The following CDK18 variants were observed in gnomAD, a reference collection of about 807,000 sequenced individuals.
CDK18 encodes cyclin-dependent kinase 18.
A neutral mutation model predicts 62.0 loss-of-function variants in CDK18; 52 were observed. The ratio of observed to expected loss-of-function variants is 0.84; its 90% confidence interval spans 0.67 to 1.06. The LOEUF (loss-of-function observed/expected upper bound fraction) is 1.06. Ranked by LOEUF, CDK18 falls within the 50% of genes least tolerant of loss-of-function variation. The probability of loss-of-function intolerance (pLI) is 0.00; values close to 1 mark genes in which losing one functional copy is unlikely to be tolerated. For synonymous variants in CDK18, 237 were observed against 247.0 expected (o/e 0.96, Z 0.38); for missense variants, 604 against 619.9 (o/e 0.97, Z 0.27).
At chr1:205,521,862 G>A (rs1427375315) in intron 1 of CDK18, among the ~76,000 whole-genome samples, 1 of 152,268 alleles carries the variant, frequency 6.6e-6, no homozygotes, top group African/African-American at 2.4e-5. Context: ...CTAGGTGCTG[G>A]CCAGTCGCAG....
At position 205,528,285 on chromosome 1, in the gene CDK18, GCCTTGT is replaced by G; in HGVS notation, c.974+118_974+123del. 8.0e-7 allele frequency: 1 copy of G among 1,242,376 alleles called. No individual in the cohort carries two copies. Among genetic ancestry groups the G allele is most frequent in the Non-Finnish European group, 1.1e-6 (1 of 889,274 alleles). The allele number at this position is 1,242,376 out of a possible 1,614,324, so 77.0% of individuals were successfully genotyped here. On this transcript the variant is annotated intron_variant, in intron 10 of 15. Transcript: ENST00000429964. The surrounding 1 kb of genome is among the most constrained non-coding windows in gnomAD (Gnocchi z 4.2). ...ACTGCCTAACTTCCTTTGCCTAAAAGCCTTGTGACATCCTGCTGAAATGGATGTTAA... is the reference window on the plus strand; with the variant it reads ...ACTGCCTAACTTCCTTTGCCTAAAAGGACATCCTGCTGAAATGGATGTTAA...
rs906684525 is a variant in CDK18, at chr1:205,526,118, G to A, written c.510G>A (p.Val170=). Residue 170 remains valine (V), a synonymous_variant, in exon 6 of 16, where the codon GTG becomes GTA. Coordinates refer to ENST00000429964, the MANE Select transcript of CDK18 (RefSeq NM_212502.3). ...GCAGCAAACTGACGGAGAACCTTGT[G>A]GCCCTGAAAGAGATCCGGCTGGAGC... ...KGRSKLTENL[V]ALKEIRLEHE... 4 of 1,613,996 alleles carry A rather than the reference G, an allele frequency of 2.5e-6. No homozygotes were observed. The highest frequency in any genetic ancestry group is 3.4e-6 in the Non-Finnish European group (4 of 1,179,994).
At chr1:205,508,917 G>A (rs1667436650) in intron 1 of CDK18, among the ~76,000 whole-genome samples, 1 of 152,100 alleles carries the variant, frequency 6.6e-6, no homozygotes, top group South Asian at 2.1e-4. Context: ...GGAAGGCCAA[G>A]GCGGGTGGAT....
At chr1:205,530,879 C>T (rs1341979100) in intron 15 of CDK18, among the ~76,000 whole-genome samples, 174 bp downstream of exon 15, 1 of 152,200 alleles carries the variant, frequency 6.6e-6, no homozygotes, top group Non-Finnish European at 1.5e-5. Flanking sequence ...CAGCTCTTCC[C>T]TCCTCAACCC....
rs1393384980 is a variant in CDK18 at position 205,531,468 on chromosome 1, T to G, written c.*90T>G. ...GGAGCCTGTGTGGCCCTCGGAGGAC[T>G]GAAGAACGAGGGCTGACAGCCAGCC... On this transcript the variant is annotated 3_prime_UTR_variant, in exon 16 of 16. Coordinates refer to ENST00000429964, the MANE Select transcript of CDK18 (RefSeq NM_212502.3). 8.0e-7 allele frequency: 1 copy of G among 1,253,442 alleles called. No homozygotes were observed. The highest frequency in any genetic ancestry group is 1.2e-6 in the Non-Finnish European group (1 of 853,920). 77.6% of individuals were successfully genotyped at this position (1,253,442 alleles called of 1,614,324 possible).
intron 13 of CDK18, 48 bp from the exon 14 acceptor site, chr1:205,530,211 T>C: frequency 1.2e-6 from 2 of 1,604,464 alleles, no homozygotes; most frequent in Non-Finnish European, 1.7e-6. Context: ...GCCCAGAGGG[T>C]TTGCAGCCCC....
At chr1:205,509,601 G>A (rs1383603788) in intron 1 of CDK18, among the ~76,000 whole-genome samples, 1 of 152,174 alleles carries the variant, frequency 6.6e-6, no homozygotes, top group Non-Finnish European at 1.5e-5. Flanking sequence ...GGACTCCAGT[G>A]AGATAATGTC....
chr1:205,506,965 G>A (rs1004607863), intron 1 of CDK18, among the ~76,000 whole-genome samples: 7 of 152,334 alleles, frequency 4.6e-5, no homozygotes, highest in South Asian at 4.1e-4. Context: ...GCCTTTCAGG[G>A]TGCATTTGCT....
At chr1:205,518,735 C>T (rs1667958961) in intron 1 of CDK18, among the ~76,000 whole-genome samples, 1 of 152,220 alleles carries the variant, frequency 6.6e-6, no homozygotes, top group South Asian at 2.1e-4. Flanking sequence ...GCCAGCCCTG[C>T]TCACTGGGGG....
Position 205,518,889 on chromosome 1 carries a change from C to T in CDK18, c.-21-4258C>T, listed in dbSNP as rs1020998888. Among the ~76,000 whole-genome samples the T allele has an allele frequency of 5.3e-5, 8 of 152,276 alleles. No homozygotes were observed. In the Middle Eastern group the frequency reaches 0.01, roughly 194 times the overall value. ...GAAGAAGCAACTGGAGCTGGCTGAGCTTTATGACTTACCTGGGCAGGGAGG... is the reference window on the plus strand; with the variant it reads ...GAAGAAGCAACTGGAGCTGGCTGAGTTTTATGACTTACCTGGGCAGGGAGG... On this transcript the variant is annotated intron_variant, in intron 1 of 15. Transcript: ENST00000429964.
intron 1 of CDK18, among the ~76,000 whole-genome samples, chr1:205,505,670 C>A (rs1414523923): frequency 6.6e-6 from 1 of 152,108 alleles, no homozygotes; most frequent in Non-Finnish European, 1.5e-5. Context: ...CTGTGGGGGG[C>A]GGGGATTCCC....
chr1:205,525,650 C>G (rs1668385781), intron 5 of CDK18, among the ~76,000 whole-genome samples: 1 of 152,174 alleles, frequency 6.6e-6, no homozygotes, highest in Admixed American at 6.5e-5. Context: ...ACAGACAATG[C>G]CTGGCACATA....
chr1:205,529,957 T>C (rs1400120913), intron 13 of CDK18: 9 of 1,381,970 alleles, frequency 6.5e-6, no homozygotes, highest in Non-Finnish European at 8.4e-6. Context: ...ACGCTTCCTG[T>C]TACGGATGTT....
In CDK18 at chr1:205,517,365, G is replaced by C. The variant is rs1453187904; in HGVS notation, c.-21-5782G>C. Among the ~76,000 whole-genome samples, 2 of 152,206 alleles carry C rather than the reference G, an allele frequency of 1.3e-5. No individual in the cohort carries two copies. The highest frequency in any genetic ancestry group is 4.8e-5 in the African/African-American group (2 of 41,456). The stretch of plus-strand genomic sequence containing the variant: ...AAAGCACCTTGCAATAAGGAAGTCT[G>C]CAGGGATGTTTGATGAAGTTTATAT... On this transcript the variant is annotated intron_variant, in intron 1 of 15. Coordinates refer to ENST00000429964, the MANE Select transcript of CDK18 (RefSeq NM_212502.3). The surrounding 1 kb of genome is among the most constrained non-coding windows in gnomAD (Gnocchi z 4.1).
chr1:205,518,409 G>A (rs1667934472), intron 1 of CDK18, among the ~76,000 whole-genome samples: 1 of 152,186 alleles, frequency 6.6e-6, no homozygotes, highest in Non-Finnish European at 1.5e-5. Context: ...GGGTGAGAGG[G>A]GTTTTATCAC....
At chr1:205,513,590 A>T (rs940971277) in intron 1 of CDK18, among the ~76,000 whole-genome samples, 5 of 152,208 alleles carry the variant, frequency 3.3e-5, no homozygotes, top group Non-Finnish European at 7.4e-5. Flanking sequence ...CAGAGGGGCT[A>T]GATAGGAGGT....
At position 205,528,650 on chromosome 1, in the gene CDK18, A is replaced by T; in HGVS notation, c.975-349A>T. The T allele has an allele frequency of 3.4e-6, 1 of 293,928 alleles. No homozygotes were observed. The highest frequency in any genetic ancestry group is 6.3e-6 in the Non-Finnish European group (1 of 159,756). 18.2% of individuals were successfully genotyped at this position (293,928 alleles called of 1,614,324 possible). A position where few individuals can be genotyped will look rare whatever the true frequency, so the allele number is the denominator to read the frequency against. On this transcript the variant is annotated intron_variant, in intron 10 of 15. Transcript: ENST00000429964. The surrounding 1 kb of genome is among the most constrained non-coding windows in gnomAD (Gnocchi z 4.2). Reference sequence around the variant, plus strand: ...GTTCCCCAGGAGAATGGATTTATGTACTTCTCTTCCAGTGGGGCACACAGT... The same window carrying T: ...GTTCCCCAGGAGAATGGATTTATGTTCTTCTCTTCCAGTGGGGCACACAGT...
chr1:205,526,925 C>G, intron 8 of CDK18, 88 bp downstream of exon 8: 1 of 1,106,124 alleles, frequency 9.0e-7, no homozygotes, highest in South Asian at 1.3e-5. Context: ...ACCAGGGATC[C>G]GGCTGCTGAG....
chr1:205,524,086 T>C lies in CDK18; in HGVS notation c.274-146T>C, dbSNP rs552600952. On this transcript the variant is annotated intron_variant, in intron 3 of 15. Transcript: ENST00000429964. ...GTCTTGAGCACACACTGGGAGCAGC[T>C]GTGAGCCTGGGGTCACAGCCTGTGA... 9.6e-6 allele frequency: 9 copies of C among 935,388 alleles called. No homozygotes were observed. The South Asian group carries it at 1.4e-4, about 14-fold the overall frequency. The allele number at this position is 935,388 out of a possible 1,614,324, so 57.9% of individuals were successfully genotyped here.
Sources: gnomAD v4.1 joint callset for allele counts (sites outside exome capture counted in the v4.1 genomes callset) on GRCh38, gnomAD v4.1.1 for gene constraint, Gnocchi (gnomAD v3.1) non-coding constraint, MANE v1.5 for transcripts, NCBI Gene and HGNC (gene_info 2026-07-23, HGNC 2026-07-21) for gene names.